The following GUCY1A1 variants were observed in gnomAD, a reference collection of about 807,000 sequenced individuals.
The protein encoded by GUCY1A1 is guanylate cyclase soluble subunit alpha-1.
GUCY1A1 carries 48 observed loss-of-function variants against 64.5 expected under a neutral mutation model. The observed-to-expected ratio is 0.74, with a 90% confidence interval of 0.59 to 0.95. The LOEUF (loss-of-function observed/expected upper bound fraction) is 0.95, where lower values mean the gene tolerates loss of function less well. Ranked by LOEUF, GUCY1A1 falls within the 40% of genes least tolerant of loss-of-function variation. The pLI is 0.00. For missense variants in GUCY1A1, 804 were observed against 825.3 expected (o/e 0.97, Z 0.32); for synonymous variants, 308 against 303.4 (o/e 1.02, Z -0.16).
At chr4:155,717,956 C>T (rs1733480839) in intron 8 of GUCY1A1, among the ~76,000 whole-genome samples, 1 of 152,164 alleles carries the variant, frequency 6.6e-6, no homozygotes, top group Non-Finnish European at 1.5e-5. Context: ...TTTCCAGCCC[C>T]TGGAGGAGAG....
rs968401262 is a variant in GUCY1A1 at position 155,736,736 on chromosome 4, A to G, written c.*6505A>G. 1 of 151,862 alleles carries G rather than the reference A, an allele frequency of 6.6e-6. No individual in the cohort carries two copies. The highest frequency in any genetic ancestry group is 2.4e-5 in the African/African-American group (1 of 41,390). The allele number at this position is 151,862 out of a possible 1,614,324, so 9.4% of individuals were successfully genotyped here. On this transcript the variant is annotated 3_prime_UTR_variant, in exon 10 of 10. Coordinates refer to ENST00000506455, the MANE Select transcript of GUCY1A1 (RefSeq NM_001130682.3). ...AAATATTTAACATATCTCTCAATATATTTTTCACCAGTTTTTGGTAAATAT... is the reference window on the plus strand; with the variant it reads ...AAATATTTAACATATCTCTCAATATGTTTTTCACCAGTTTTTGGTAAATAT...
chr4:155,696,977 C>T lies in GUCY1A1; in HGVS notation c.110C>T (p.Ser37Leu), dbSNP rs1238586963. ...TCTTCAGAGGAGGCAGCAGGAAGCT[C>T]AGAGAGCTGCAAAGCAACCGTGCCC... is the stretch of plus-strand genomic sequence containing the variant. Reference protein sequence around the residue: ...NESSEEAAGSSESCKATVPIC... With the variant: ...NESSEEAAGSLESCKATVPIC... The change falls in exon 3 of 10, where the codon TCA becomes TTA. Residue 37 changes from serine (S) to leucine (L), a missense_variant. Ser to Leu is a moderately radical substitution (Grantham distance 145, BLOSUM62 -2). Coordinates refer to ENST00000506455, the MANE Select transcript of GUCY1A1 (RefSeq NM_001130682.3). The T allele has an allele frequency of 3.7e-6, 6 of 1,613,600 alleles. No individual in the cohort carries two copies. The African/African-American group carries it at 6.7e-5, about 18-fold the overall frequency.
rs1305874461 is a variant in GUCY1A1, at chr4:155,734,014, G to T, written c.*3783G>T. On this transcript the variant is annotated 3_prime_UTR_variant, in exon 10 of 10. Coordinates refer to ENST00000506455, the MANE Select transcript of GUCY1A1 (RefSeq NM_001130682.3). ...ATTAGTCTTTCAGATCCTTTGGTAG[G>T]GAGGAAAGAAGAGTTGCTTCAGCAT... Among the ~76,000 whole-genome samples the T allele has an allele frequency of 6.6e-6, 1 of 151,876 alleles. No homozygotes were observed. The highest frequency in any genetic ancestry group is 1.5e-5 in the Non-Finnish European group (1 of 67,902).
In GUCY1A1 at chr4:155,713,247, G is replaced by C. The variant is rs774344883; in HGVS notation, c.1236G>C (p.Val412=). 1.2e-6 allele frequency: 2 copies of C among 1,614,070 alleles called. No homozygotes were observed. The highest frequency in any genetic ancestry group is 3.3e-5 in the Admixed American group (2 of 60,012). The part of the protein sequence containing the change: ...DIPIHNALRD[V]VLIGEQARAQ... ...CAATTCACAATGCACTGAGGGATGT[G>C]GTCTTAATAGGGGAACAAGCCCGAG... Residue 412 remains valine, a synonymous_variant, in exon 7 of 10, where the codon GTG becomes GTC. Coordinates refer to ENST00000506455, the MANE Select transcript of GUCY1A1 (RefSeq NM_001130682.3).
chr4:155,686,098 G>A (rs1349446135), intron 2 of GUCY1A1, among the ~76,000 whole-genome samples: 2 of 152,184 alleles, frequency 1.3e-5, no homozygotes, highest in African/African-American at 4.8e-5. Context: ...ATATCTTAAA[G>A]TGAACATGCC....
At position 155,713,090 on chromosome 4, in the gene GUCY1A1, C is replaced by T; in HGVS notation, c.1087-8C>T. The T allele has an allele frequency of 1.3e-6, 2 of 1,595,108 alleles. 1 individual carries two copies. The highest frequency in any genetic ancestry group is 2.3e-5 in the South Asian group (2 of 88,122). On this transcript the variant is annotated splice_polypyrimidine_tract_variant and splice_region_variant and intron_variant, in intron 6 of 9. Transcript: ENST00000506455. ...ATAAACCACAATTGGTTATCCTTTC[C>T]TTCATAGGTTATGGACCTCAAAGGC...
intron 2 of GUCY1A1, among the ~76,000 whole-genome samples, chr4:155,669,370 CAT>C (rs1316676121): frequency 6.6e-6 from 1 of 151,874 alleles, no homozygotes. Context: ...TATAGTGTCT[CAT>C]AGTGTATGAA....
In GUCY1A1 at chr4:155,712,931, AC is replaced by A. The variant is rs372313484; in HGVS notation, c.1087-166del. 1.1e-3 allele frequency among the ~76,000 whole-genome samples: 169 copies of A among 152,336 alleles called. 4 individuals are homozygous for A. The highest frequency in any genetic ancestry group is 3.4e-3 in the Middle Eastern group (1 of 294). ...TCTAATATACTCTTCAAACATCTGC[AC>A]GCATTTTAGAACTCATAGAAAATAG... is the stretch of plus-strand genomic sequence containing the variant. On this transcript the variant is annotated intron_variant, in intron 6 of 9. Coordinates refer to ENST00000506455, the MANE Select transcript of GUCY1A1 (RefSeq NM_001130682.3).
chr4:155,722,918 A>G lies in GUCY1A1; in HGVS notation c.1871+726A>G, dbSNP rs570341621. 2.6e-5 allele frequency among the ~76,000 whole-genome samples: 4 copies of G among 152,134 alleles called. No homozygotes were observed. In the East Asian group the frequency reaches 7.8e-4, roughly 30 times the overall value. On this transcript the variant is annotated intron_variant, in intron 9 of 9. Transcript: ENST00000506455. The stretch of plus-strand genomic sequence containing the variant: ...CCTGATTGAGCTTTGAGTTTGGTGT[A>G]TGGAGTCTTATTGTTTTCATTATGT...
intron 2 of GUCY1A1, among the ~76,000 whole-genome samples, chr4:155,671,727 A>C (rs779142064): frequency 1.3e-5 from 2 of 152,096 alleles, no homozygotes; most frequent in Non-Finnish European, 2.9e-5. Context: ...TTGTCTCTAT[A>C]ATATTTATAT....
chr4:155,679,296 A>T (rs1735383317), intron 2 of GUCY1A1, among the ~76,000 whole-genome samples: 1 of 151,686 alleles, frequency 6.6e-6, no homozygotes, highest in South Asian at 2.1e-4. Flanking sequence ...TAGGTTTACG[A>T]TTTGTCGTAG....
intron 7 of GUCY1A1, among the ~76,000 whole-genome samples, chr4:155,715,577 G>T (rs534107714): frequency 6.6e-6 from 1 of 152,190 alleles, no homozygotes; most frequent in Admixed American, 6.5e-5. Flanking sequence ...ATGACGTGAC[G>T]AAGGGATGCA....
At chr4:155,728,464 G>A (rs1735051060) in intron 9 of GUCY1A1, among the ~76,000 whole-genome samples, 2 of 151,968 alleles carry the variant, frequency 1.3e-5, no homozygotes, top group South Asian at 4.2e-4. Context: ...TCTTCTACCT[G>A]TGGGTAATTA....
At chr4:155,723,469 A>G (rs1560966781) in intron 9 of GUCY1A1, among the ~76,000 whole-genome samples, 1 of 152,098 alleles carries the variant, frequency 6.6e-6, no homozygotes. Context: ...GGTAACTAGA[A>G]ATATATCTTT....
chr4:155,713,570 T>A lies in GUCY1A1; in HGVS notation c.1559T>A (p.Leu520Gln). ...CGCTTCGACCAGCAGTGTGGAGAGCTGGATGTCTACAAGGTAGGAGTGGAC... is the reference window on the plus strand; with the variant it reads ...CGCTTCGACCAGCAGTGTGGAGAGCAGGATGTCTACAAGGTAGGAGTGGAC... ...YTRFDQQCGE[L>Q]DVYKVETIGD... Residue 520 changes from leucine to glutamine, a missense_variant, in exon 7 of 10, where the codon CTG becomes CAG. Leu to Gln is a moderately radical substitution (Grantham distance 113, BLOSUM62 -2). Transcript: ENST00000506455. 1 of 1,612,898 alleles carries A rather than the reference T, an allele frequency of 6.2e-7. No individual in the cohort carries two copies.
chr4:155,731,393 T>C lies in GUCY1A1; in HGVS notation c.*1162T>C, dbSNP rs980885659. 7.9e-5 allele frequency: 12 copies of C among 151,852 alleles called. No individual in the cohort carries two copies. Among genetic ancestry groups the C allele is most frequent in the African/African-American group, 2.7e-4 (11 of 41,414 alleles). The allele number at this position is 151,852 out of a possible 1,614,324, so 9.4% of individuals were successfully genotyped here. A position where few individuals can be genotyped will look rare whatever the true frequency, so the allele number is the denominator to read the frequency against. On this transcript the variant is annotated 3_prime_UTR_variant, in exon 10 of 10. Transcript: ENST00000506455. ...TCATTAAATATACATATATGAAGTG[T>C]TTTTATTCTACTTGAAATATCTTGA...
intron 3 of GUCY1A1, among the ~76,000 whole-genome samples, chr4:155,700,086 C>T (rs1286918844): frequency 6.6e-6 from 1 of 152,110 alleles, no homozygotes; most frequent in Non-Finnish European, 1.5e-5. Flanking sequence ...CATTGCTCTT[C>T]ATAATATAAT....
chr4:155,680,960 C>G (rs1292238344), intron 2 of GUCY1A1, among the ~76,000 whole-genome samples: 1 of 151,012 alleles, frequency 6.6e-6, no homozygotes, highest in East Asian at 1.9e-4. Flanking sequence ...CACACACACA[C>G]ACACATGCAC....
rs546708433 is a variant in GUCY1A1 at position 155,724,980 on chromosome 4, C to G, written c.1871+2788C>G. ...TGATATCACCATCCACCTAGTTACT[C>G]AGACCATCGACCTTACAGTGATCAT... On this transcript the variant is annotated intron_variant, in intron 9 of 9. Coordinates refer to ENST00000506455, the MANE Select transcript of GUCY1A1 (RefSeq NM_001130682.3). Among the ~76,000 whole-genome samples, 697 of 152,214 alleles carry G rather than the reference C, an allele frequency of 4.6e-3. 3 individuals carry two copies. Among genetic ancestry groups the G allele is most frequent in the Non-Finnish European group, 7.1e-3 (481 of 67,996 alleles).
Sources: gnomAD v4.1 joint callset for allele counts (sites outside exome capture counted in the v4.1 genomes callset) on GRCh38, gnomAD v4.1.1 for gene constraint, MANE v1.5 for transcripts, NCBI Gene and HGNC (gene_info 2026-07-23, HGNC 2026-07-21) for gene names.